The following CLXN variants were observed in gnomAD, a reference collection of about 807,000 sequenced individuals.
The protein encoded by CLXN is calaxin.
chr8:48,724,812 A>G, the CLXN span: 2 of 1,609,416 alleles, frequency 1.2e-6, no homozygotes, highest in Admixed American at 3.4e-5. Flanking sequence ...CTGTAAAAAA[A>G]GGTACTCAAT....
At chr8:48,734,903 T>A in the CLXN span, among the ~76,000 whole-genome samples, 1 of 152,064 alleles carries the variant, frequency 6.6e-6, no homozygotes, top group Non-Finnish European at 1.5e-5. Context: ...GTTCCTAAGA[T>A]CAAACGCAAG....
At chr8:48,721,736 T>C in the CLXN span, among the ~76,000 whole-genome samples, 2 of 152,146 alleles carry the variant, frequency 1.3e-5, no homozygotes, top group African/African-American at 2.4e-5. Flanking sequence ...GTTGGGACAA[T>C]TGGATTTGCA....
chr8:48,731,291 C>A, the CLXN span: 4 of 1,508,438 alleles, frequency 2.7e-6, no homozygotes, highest in East Asian at 7.4e-5. Flanking sequence ...AGCACCAAAC[C>A]CTTTTTTTTT....
At chr8:48,720,823 G>A in the CLXN span, among the ~76,000 whole-genome samples, 2 of 152,108 alleles carry the variant, frequency 1.3e-5, no homozygotes, top group African/African-American at 4.8e-5. Context: ...TGGGCATCAT[G>A]GTCCTACCAA....
chr8:48,735,182 G>C, the CLXN span: 1 of 1,612,894 alleles, frequency 6.2e-7, no homozygotes, highest in Non-Finnish European at 8.5e-7. Context: ...GGCCGCGGCG[G>C]GGGTCTCTGG....
the CLXN span, chr8:48,730,162 GAATT>G: frequency 3.1e-6 from 1 of 327,226 alleles, no homozygotes; most frequent in African/African-American, 2.1e-5. Flanking sequence ...GAGTTCATCA[GAATT>G]AATTGAGAGT....
chr8:48,730,639 G>A, the CLXN span: 11 of 1,601,250 alleles, frequency 6.9e-6, no homozygotes, highest in East Asian at 2.3e-5. Flanking sequence ...TCAAAACCTC[G>A]GAATACTAAA....
At chr8:48,730,823 A>G in the CLXN span, among the ~76,000 whole-genome samples, 52 of 152,294 alleles carry the variant, frequency 3.4e-4, no homozygotes, top group East Asian at 9.8e-3. Context: ...CTTTTATTAA[A>G]CATTCAATTT....
At chr8:48,735,040 G>A in the CLXN span, 2 of 1,599,548 alleles carry the variant, frequency 1.3e-6, no homozygotes, top group South Asian at 2.2e-5. Flanking sequence ...CACGGGGTGG[G>A]ACCCAGGCTC....
the CLXN span, among the ~76,000 whole-genome samples, chr8:48,720,590 T>A: frequency 6.6e-6 from 1 of 152,206 alleles, no homozygotes; most frequent in Admixed American, 6.5e-5. Context: ...TTGTTTAAGA[T>A]GTTTATCAAG....
At chr8:48,719,233 G>A in the CLXN span, among the ~76,000 whole-genome samples, 1 of 152,032 alleles carries the variant, frequency 6.6e-6, no homozygotes, top group African/African-American at 2.4e-5. Flanking sequence ...GAAACAGAAA[G>A]CCTGAACAGG....
chr8:48,718,692 A>G, the CLXN span, among the ~76,000 whole-genome samples: 1 of 152,232 alleles, frequency 6.6e-6, no homozygotes, highest in Non-Finnish European at 1.5e-5. Context: ...ACTAAACAAC[A>G]CATTTTTGAA....
chr8:48,720,957 G>C, the CLXN span, among the ~76,000 whole-genome samples: 2 of 152,116 alleles, frequency 1.3e-5, no homozygotes, highest in African/African-American at 4.8e-5. Context: ...ATTGGGGGCA[G>C]GTTCCCCCAA....
the CLXN span, among the ~76,000 whole-genome samples, chr8:48,726,483 T>TCCA: frequency 7.5e-5 from 10 of 132,920 alleles, no homozygotes; most frequent in African/African-American, 2.0e-4. Flanking sequence ...CATCCATCCA[T>TCCA]TCATCCATCC....
Sources: gnomAD v4.1 joint callset for allele counts (sites outside exome capture counted in the v4.1 genomes callset) on GRCh38, gnomAD v4.1.1 for gene constraint, MANE v1.5 for transcripts, NCBI Gene and HGNC (gene_info 2026-07-23, HGNC 2026-07-21) for gene names.